ZC3H12B: variants seen among roughly 807,000 people sequenced by gnomAD.
ZC3H12B encodes the protein probable ribonuclease ZC3H12B.
Under a neutral mutation model 43.9 loss-of-function variants are expected in ZC3H12B, and 7 were observed. That is an observed-to-expected ratio of 0.16 (90% CI 0.09 to 0.30). ZC3H12B has a LOEUF of 0.30. Among genes scored for constraint, ZC3H12B ranks in the 10% least tolerant of loss-of-function variants. The pLI is 1.00. For synonymous variants in ZC3H12B, 222 were observed against 241.7 expected, an observed-to-expected ratio of 0.92 and a Z score of 0.76; for missense variants, 475 against 670.2, an observed-to-expected ratio of 0.71 and a Z score of 3.22.
chrX:65,451,800 A>T (rs1400758499), intron 3 of ZC3H12B, among the ~76,000 whole-genome samples: 2 of 111,819 alleles, frequency 1.8e-5, no homozygotes, highest in Non-Finnish European at 3.8e-5. Context: ...TTGTGCGTTT[A>T]ATTTCCTTAT....
exon 5 of ZC3H12B, chrX:65,507,438 A>T (rs1383718093): frequency 8.9e-6 from 1 of 112,379 alleles, no homozygotes; most frequent in African/African-American, 3.2e-5. Flanking sequence ...AAAATAGTCA[A>T]TGCCTTTGTA....
intron 3 of ZC3H12B, among the ~76,000 whole-genome samples, chrX:65,454,688 G>A (rs1376595184): frequency 1.8e-5 from 2 of 111,834 alleles, no homozygotes; most frequent in Non-Finnish European, 3.8e-5. Flanking sequence ...TCCTCAAGTT[G>A]GTCCCAGACC....
the ZC3H12B span, among the ~76,000 whole-genome samples, chrX:65,250,167 A>G: frequency 9.1e-6 from 1 of 109,871 alleles, no homozygotes; most frequent in Non-Finnish European, 1.9e-5. Context: ...ATTCCCACCT[A>G]TGAGTGAGAA....
the ZC3H12B span, among the ~76,000 whole-genome samples, chrX:65,058,059 G>A: frequency 1.4e-4 from 16 of 111,727 alleles, no homozygotes; most frequent in African/African-American, 4.2e-4. Context: ...AAGTTTGATC[G>A]TCTAAAGCTT....
At chrX:65,351,851 A>G in the ZC3H12B span, among the ~76,000 whole-genome samples, 1 of 112,367 alleles carries the variant, frequency 8.9e-6, no homozygotes, top group South Asian at 3.7e-4. Context: ...AAATAGGAAC[A>G]CTTTTACACA....
intron 3 of ZC3H12B, among the ~76,000 whole-genome samples, chrX:65,419,458 C>A (rs755531941): frequency 7.2e-5 from 8 of 111,859 alleles, no homozygotes; most frequent in African/African-American, 2.6e-4. Context: ...TTTGAAGAAA[C>A]ATGGTAAGTC....
At chrX:65,175,322 G>T in the ZC3H12B span, among the ~76,000 whole-genome samples, 1 of 111,449 alleles carries the variant, frequency 9.0e-6, no homozygotes, top group African/African-American at 3.3e-5. Context: ...TGTTCCTTTG[G>T]CCTTCTTGCC....
At chrX:65,333,096 A>T in the ZC3H12B span, among the ~76,000 whole-genome samples, 1 of 111,443 alleles carries the variant, frequency 9.0e-6, no homozygotes, top group East Asian at 2.8e-4. Context: ...CTGAGGTCCT[A>T]ATATAAACTT....
At chrX:65,271,932 A>G in the ZC3H12B span, 4 of 129,927 alleles carry the variant, frequency 3.1e-5, no homozygotes, top group South Asian at 2.4e-4. Context: ...GAAAGAGCCT[A>G]GGCCGGGTGC....
At chrX:65,153,461 C>A in the ZC3H12B span, among the ~76,000 whole-genome samples, 2 of 111,930 alleles carry the variant, frequency 1.8e-5, no homozygotes, top group Non-Finnish European at 3.8e-5. Flanking sequence ...TTTATGCAGC[C>A]AAAAAACACA....
chrX:65,394,617 G>C (rs1376734638), intron 2 of ZC3H12B, among the ~76,000 whole-genome samples: 3 of 111,772 alleles, frequency 2.7e-5, no homozygotes, highest in East Asian at 5.6e-4. Flanking sequence ...TTGTAGTATA[G>C]TTTGAAGTCA....
At chrX:65,139,557 G>C in the ZC3H12B span, among the ~76,000 whole-genome samples, 1 of 111,180 alleles carries the variant, frequency 9.0e-6, no homozygotes, top group African/African-American at 3.3e-5. Context: ...ACATTCGTTT[G>C]GGTGTTGGCA....
chrX:65,297,906 C>A, the ZC3H12B span, among the ~76,000 whole-genome samples: 10 of 111,650 alleles, frequency 9.0e-5, no homozygotes, highest in East Asian at 2.8e-3. Context: ...AAAGGACACC[C>A]TATTCAGCAA....
chrX:65,250,943 T>G, the ZC3H12B span, among the ~76,000 whole-genome samples: 3 of 111,899 alleles, frequency 2.7e-5, no homozygotes, highest in African/African-American at 9.7e-5. Flanking sequence ...TTAGTTTAAT[T>G]AGATCCCATT....
the ZC3H12B span, among the ~76,000 whole-genome samples, chrX:65,182,798 G>A: frequency 9.0e-6 from 1 of 110,942 alleles, no homozygotes; most frequent in Non-Finnish European, 1.9e-5. Flanking sequence ...AAACATAAAT[G>A]CAGCCAACAA....
At chrX:65,036,850 AAGTG>A in the ZC3H12B span, among the ~76,000 whole-genome samples, 1 of 110,882 alleles carries the variant, frequency 9.0e-6, no homozygotes, top group Admixed American at 9.6e-5. Flanking sequence ...TATTCCATTG[AAGTG>A]AGTATGACTA....
chrX:65,480,823 G>A (rs1302800919), intron 3 of ZC3H12B, among the ~76,000 whole-genome samples: 10 of 101,587 alleles, frequency 9.8e-5, no homozygotes, highest in Non-Finnish European at 1.9e-4. Context: ...TCCAGCCTGG[G>A]CAACAACAGT....
the ZC3H12B span, among the ~76,000 whole-genome samples, chrX:65,159,805 G>T: frequency 5.4e-5 from 6 of 111,726 alleles, no homozygotes; most frequent in South Asian, 3.8e-4. Flanking sequence ...CTATGTGGAA[G>T]AGGAGTGGTG....
At chrX:65,257,053 C>G in the ZC3H12B span, among the ~76,000 whole-genome samples, 2 of 112,013 alleles carry the variant, frequency 1.8e-5, no homozygotes, top group African/African-American at 6.5e-5. Context: ...GGTGATTCCT[C>G]AGGGATCTAG....
Sources: gnomAD v4.1 joint callset for allele counts (sites outside exome capture counted in the v4.1 genomes callset) on GRCh38, gnomAD v4.1.1 for gene constraint, MANE v1.5 for transcripts, NCBI Gene and HGNC (gene_info 2026-07-23, HGNC 2026-07-21) for gene names.